The following TRIM2 variants were observed in gnomAD, a reference collection of about 807,000 sequenced individuals.
TRIM2 encodes tripartite motif containing 2.
A neutral mutation model predicts 75.2 loss-of-function variants in TRIM2; 20 were observed. The observed-to-expected ratio is 0.27, with a 90% CI of 0.19 to 0.39. The LOEUF (loss-of-function observed/expected upper bound fraction) is 0.39, where lower values mean the gene tolerates loss of function less well. Ranked by LOEUF, TRIM2 falls within the 10% of genes least tolerant of loss-of-function variation. The pLI, the probability that TRIM2 is intolerant of heterozygous loss-of-function variation, is 1.00. For synonymous variants in TRIM2, 373 were observed against 388.3 expected (o/e 0.96, Z 0.46); for missense variants, 660 against 990.8 (o/e 0.67, Z 4.48).
intron 1 of TRIM2, among the ~76,000 whole-genome samples, chr4:153,231,762 A>G (rs1743694914): frequency 6.6e-6 from 1 of 152,154 alleles, no homozygotes; most frequent in South Asian, 2.1e-4. Flanking sequence ...GTCTTCACAT[A>G]ATCGTCCCTC....
chr4:153,308,164 C>A, intron 6 of TRIM2: 1 of 1,275,352 alleles, frequency 7.8e-7, no homozygotes, highest in Admixed American at 1.7e-5. Flanking sequence ...TTCACCCCAG[C>A]GTCATAGAGA....
chr4:153,244,437 T>TCTTCTTCTTCCTCTTC (rs1206105496), intron 1 of TRIM2, among the ~76,000 whole-genome samples: 1 of 102,522 alleles, frequency 9.8e-6, no homozygotes, highest in Non-Finnish European at 1.8e-5. Context: ...TTCTTCTTCT[T>TCTTCTTCTTCCTCTTC]TTAATTAGAG....
intron 6 of TRIM2, among the ~76,000 whole-genome samples, chr4:153,306,128 C>CAAA (rs200865610): frequency 8.9e-6 from 1 of 112,598 alleles, no homozygotes; most frequent in Non-Finnish European, 1.9e-5. Context: ...GACTCCATCT[C>CAAA]AAAAAAAAAA....
At chr4:153,190,107 A>T (rs1233794992) in intron 1 of TRIM2, among the ~76,000 whole-genome samples, 3 of 152,216 alleles carry the variant, frequency 2.0e-5, no homozygotes, top group Non-Finnish European at 4.4e-5. Context: ...TTGCAGATGG[A>T]GTTGGGAAAA....
chr4:153,162,920 T>C (rs1729884331), intron 1 of TRIM2, among the ~76,000 whole-genome samples: 1 of 152,184 alleles, frequency 6.6e-6, no homozygotes. Context: ...AGAAACAGGT[T>C]GGGACATGGA....
intron 8 of TRIM2, among the ~76,000 whole-genome samples, chr4:153,318,422 G>A (rs1449154551): frequency 1.3e-5 from 2 of 152,118 alleles, no homozygotes; most frequent in Non-Finnish European, 2.9e-5. Context: ...AATATTGCAT[G>A]CAATTCTTCA....
chr4:153,261,358 C>T (rs573433583), intron 1 of TRIM2, among the ~76,000 whole-genome samples: 77 of 151,914 alleles, frequency 5.1e-4, no homozygotes, highest in African/African-American at 1.8e-3. Flanking sequence ...GGGAGGTGGA[C>T]GTTGCAGTAA....
At chr4:153,324,990 T>C (rs2149568253) in intron 10 of TRIM2, among the ~76,000 whole-genome samples, 1 of 152,228 alleles carries the variant, frequency 6.6e-6, no homozygotes, top group African/African-American at 2.4e-5. Flanking sequence ...AAAAGGTGAG[T>C]CATTTTAAAG....
intron 1 of TRIM2, among the ~76,000 whole-genome samples, chr4:153,189,820 A>G (rs1251292806): frequency 6.6e-6 from 1 of 152,246 alleles, no homozygotes; most frequent in Non-Finnish European, 1.5e-5. Context: ...TGTTTCCTCT[A>G]AAGTATACAC....
chr4:153,243,847 T>C (rs1747371487), intron 1 of TRIM2, among the ~76,000 whole-genome samples: 1 of 135,088 alleles, frequency 7.4e-6, no homozygotes, highest in Admixed American at 7.8e-5. Context: ...GGATCTCTCA[T>C]TCTATTGCCC....
chr4:153,188,780 G>A (rs886118260), intron 1 of TRIM2, among the ~76,000 whole-genome samples: 3 of 151,792 alleles, frequency 2.0e-5, no homozygotes, highest in Non-Finnish European at 4.4e-5. Context: ...TGAGGAAACA[G>A]TCATCCAAAT....
chr4:153,300,567 G>A (rs1244570248), intron 6 of TRIM2, among the ~76,000 whole-genome samples: 1 of 151,816 alleles, frequency 6.6e-6, no homozygotes, highest in South Asian at 2.1e-4. Context: ...TTTTGAGACA[G>A]ATTCTTACTC....
intron 1 of TRIM2, among the ~76,000 whole-genome samples, chr4:153,177,822 A>T (rs941783837): frequency 1.4e-5 from 2 of 142,918 alleles, no homozygotes; most frequent in Admixed American, 7.4e-5. Context: ...CTCTTCCTTG[A>T]TGGAGTCTCG....
Position 153,245,704 on chromosome 4 carries a change from G to T in TRIM2, c.31-24631G>T, listed in dbSNP as rs141918127. On this transcript the variant is annotated intron_variant, in intron 1 of 11. Coordinates refer to ENST00000338700, the MANE Select transcript of TRIM2 (RefSeq NM_015271.5). Reference sequence around the variant, plus strand: ...ATATACTTATTTATTTTGAGACAGGGTCTGTCTTTGTTGCTTAGGATGGCA... The same window carrying T: ...ATATACTTATTTATTTTGAGACAGGTTCTGTCTTTGTTGCTTAGGATGGCA... 3.9e-5 allele frequency among the ~76,000 whole-genome samples: 6 copies of T among 152,200 alleles called. No homozygotes were observed. The East Asian group carries it at 7.7e-4, about 20-fold the overall frequency.
At chr4:153,212,306 T>C (rs187682433) in intron 1 of TRIM2, among the ~76,000 whole-genome samples, 7 of 152,258 alleles carry the variant, frequency 4.6e-5, no homozygotes, top group Non-Finnish European at 8.8e-5. Flanking sequence ...AAAAACTGCA[T>C]GTTCTCAGTT....
chr4:153,235,883 C>A (rs1419958637), intron 1 of TRIM2, among the ~76,000 whole-genome samples: 2 of 152,128 alleles, frequency 1.3e-5, no homozygotes, highest in Non-Finnish European at 2.9e-5. Flanking sequence ...ATCCTGTGCT[C>A]ACCTCCATCA....
intron 8 of TRIM2, among the ~76,000 whole-genome samples, chr4:153,317,053 T>C (rs1428671036): frequency 6.6e-6 from 1 of 151,376 alleles, no homozygotes; most frequent in Non-Finnish European, 1.5e-5. Context: ...GCTAACTTTT[T>C]GCATTTTTAG....
At chr4:153,156,098 C>T (rs1421935844) in intron 1 of TRIM2, among the ~76,000 whole-genome samples, 1 of 152,334 alleles carries the variant, frequency 6.6e-6, no homozygotes, top group African/African-American at 2.4e-5. Context: ...TAAAATGTTT[C>T]GTGCTTGCTG....
intron 2 of TRIM2, among the ~76,000 whole-genome samples, chr4:153,275,643 T>C (rs1035942703): frequency 1.3e-5 from 2 of 152,242 alleles, no homozygotes; most frequent in Non-Finnish European, 2.9e-5. Context: ...GACCACACTT[T>C]GTGTGCCAAG....
Sources: allele counts gnomAD v4.1 joint callset (sites outside exome capture counted in the v4.1 genomes callset), GRCh38; gene constraint gnomAD v4.1.1; transcripts MANE v1.5; gene names NCBI Gene and HGNC (gene_info 2026-07-23, HGNC 2026-07-21).